INSC: variants seen among roughly 807,000 people sequenced by gnomAD.
INSC encodes the protein INSC spindle orientation adaptor protein.
A neutral mutation model predicts 58.6 loss-of-function variants in INSC; 67 were observed. The observed-to-expected ratio is 1.14, with a 90% confidence interval of 0.94 to 1.40. INSC has a LOEUF of 1.40. Ranked by LOEUF, INSC falls within the 40% of genes most tolerant of loss-of-function variation. The pLI is 0.00. For synonymous variants in INSC, 262 were observed against 276.1 expected, an observed-to-expected ratio of 0.95 and a Z score of 0.51; for missense variants, 714 against 692.0, an observed-to-expected ratio of 1.03 and a Z score of -0.36.
chr11:15,218,169 T>C (rs1458515867), intron 7 of INSC, among the ~76,000 whole-genome samples: 1 of 152,150 alleles, frequency 6.6e-6, no homozygotes, highest in African/African-American at 2.4e-5. Flanking sequence ...TGAATTGAAA[T>C]TGATTTATAT....
intron 5 of INSC, among the ~76,000 whole-genome samples, 200 bp downstream of exon 5, chr11:15,178,647 C>T (rs1849658140): frequency 6.6e-6 from 1 of 152,220 alleles, no homozygotes; most frequent in African/African-American, 2.4e-5. Flanking sequence ...GAGCACCTAA[C>T]CCAACTCTGC....
At chr11:15,218,206 T>C (rs1851295682) in intron 7 of INSC, among the ~76,000 whole-genome samples, 1 of 152,088 alleles carries the variant, frequency 6.6e-6, no homozygotes, top group Non-Finnish European at 1.5e-5. Flanking sequence ...ACAGTGAAAA[T>C]AAATGGATCA....
chr11:15,194,048 C>A (rs1850281151), intron 6 of INSC, among the ~76,000 whole-genome samples: 1 of 152,144 alleles, frequency 6.6e-6, no homozygotes, highest in Admixed American at 6.5e-5. Context: ...TCAAGGAAGA[C>A]TAAATCAAAA....
chr11:15,117,046 G>A (rs1238087017), intron 1 of INSC, among the ~76,000 whole-genome samples: 1 of 149,912 alleles, frequency 6.7e-6, no homozygotes, highest in Non-Finnish European at 1.5e-5. Flanking sequence ...GGATTCAAGC[G>A]ATTCTCCTGC....
At chr11:15,162,629 G>A (rs181630052) in intron 2 of INSC, among the ~76,000 whole-genome samples, 1 of 152,232 alleles carries the variant, frequency 6.6e-6, no homozygotes, top group East Asian at 1.9e-4. Context: ...CTCCACAGGG[G>A]CTGGAATGTT....
At chr11:15,140,126 A>G (rs1164511019) in intron 1 of INSC, among the ~76,000 whole-genome samples, 1 of 152,134 alleles carries the variant, frequency 6.6e-6, no homozygotes, top group Admixed American at 6.5e-5. Context: ...GGAGCTCTCT[A>G]GAGGATGTGT....
intron 12 of INSC, chr11:15,241,577 T>G (rs1160587685): frequency 1.4e-6 from 1 of 703,030 alleles, no homozygotes; most frequent in East Asian, 2.7e-5. Context: ...GCTATGGGGA[T>G]ACAGCTGCAG....
At chr11:15,202,910 C>T (rs970310852) in intron 7 of INSC, among the ~76,000 whole-genome samples, 13 of 152,246 alleles carry the variant, frequency 8.5e-5, no homozygotes, top group Middle Eastern at 3.2e-3. Flanking sequence ...GCAGTATAGA[C>T]GGCCCAGGCC....
chr11:15,161,181 C>T (rs1007106867), intron 2 of INSC, among the ~76,000 whole-genome samples: 1 of 152,182 alleles, frequency 6.6e-6, no homozygotes, highest in African/African-American at 2.4e-5. Context: ...TTGGCAGTGC[C>T]ATAATCCATG....
intron 10 of INSC, among the ~76,000 whole-genome samples, chr11:15,237,322 CTG>C (rs1852169617): frequency 6.6e-6 from 1 of 152,188 alleles, no homozygotes; most frequent in Admixed American, 6.5e-5. Context: ...GAACCATACT[CTG>C]TGGGTTTGAA....
intron 5 of INSC, among the ~76,000 whole-genome samples, chr11:15,181,086 A>T (rs1222627909): frequency 6.6e-6 from 1 of 152,210 alleles, no homozygotes; most frequent in African/African-American, 2.4e-5. Context: ...TCTTTACATC[A>T]AAATTTGTCT....
Position 15,214,765 on chromosome 11 carries a change from C to T in INSC, c.820-6712C>T, listed in dbSNP as rs1487600786. 2.6e-5 allele frequency among the ~76,000 whole-genome samples: 4 copies of T among 152,150 alleles called. No individual in the cohort carries two copies. The East Asian group carries it at 7.7e-4, about 29-fold the overall frequency. The stretch of plus-strand genomic sequence containing the variant: ...GTGATTAGGTCATGAGGGCTCTGCA[C>T]CCATGAATAGGTTAACACTGTTATT... On this transcript the variant is annotated intron_variant, in intron 7 of 12. Transcript: ENST00000379556.
At chr11:15,260,268 T>C in the INSC span, among the ~76,000 whole-genome samples, 1 of 152,152 alleles carries the variant, frequency 6.6e-6, no homozygotes, top group Non-Finnish European at 1.5e-5. Context: ...GTCATCTGGG[T>C]CCACCCATTT....
At chr11:15,226,198 A>G (rs1011015905) in intron 9 of INSC, among the ~76,000 whole-genome samples, 5 of 152,034 alleles carry the variant, frequency 3.3e-5, no homozygotes, top group African/African-American at 1.2e-4. Flanking sequence ...GGAAAGACCC[A>G]TGGAAGGTGC....
intron 4 of INSC, among the ~76,000 whole-genome samples, chr11:15,178,061 C>A (rs1044521989): frequency 6.6e-6 from 1 of 152,160 alleles, no homozygotes; most frequent in East Asian, 1.9e-4. Context: ...CAGGGAGAAG[C>A]CCAGAGGTAT....
At chr11:15,138,108 A>T (rs1848288580) in intron 1 of INSC, among the ~76,000 whole-genome samples, 1 of 152,192 alleles carries the variant, frequency 6.6e-6, no homozygotes, top group Non-Finnish European at 1.5e-5. Flanking sequence ...CAGGTTGGTG[A>T]AGTAGTCAGA....
At chr11:15,146,576 G>GT (rs1207240747) in intron 1 of INSC, among the ~76,000 whole-genome samples, 4 of 152,184 alleles carry the variant, frequency 2.6e-5, no homozygotes, top group African/African-American at 9.6e-5. Context: ...CACCTCACTG[G>GT]GGTGCTTTAA....
intron 7 of INSC, among the ~76,000 whole-genome samples, chr11:15,209,474 C>T (rs1233647707): frequency 6.6e-6 from 1 of 152,100 alleles, no homozygotes; most frequent in African/African-American, 2.4e-5. Context: ...TGACATCTCG[C>T]TCTAAGGCCT....
chr11:15,123,208 A>G (rs1334814774), intron 1 of INSC, among the ~76,000 whole-genome samples: 1 of 152,254 alleles, frequency 6.6e-6, no homozygotes, highest in Non-Finnish European at 1.5e-5. Flanking sequence ...GACCAGGTCC[A>G]ACCCCATTTT....
Sources: gnomAD v4.1 joint callset for allele counts (sites outside exome capture counted in the v4.1 genomes callset) on GRCh38, gnomAD v4.1.1 for gene constraint, MANE v1.5 for transcripts, NCBI Gene and HGNC (gene_info 2026-07-23, HGNC 2026-07-21) for gene names.